CSMD1: variants seen among roughly 807,000 people sequenced by gnomAD.
The protein encoded by CSMD1 is CUB and Sushi multiple domains 1.
CSMD1 carries 213 observed loss-of-function variants against 417.5 expected under a neutral mutation model. That is an observed-to-expected ratio of 0.51 (90% CI 0.46 to 0.57). The LOEUF is 0.57. Ranked by LOEUF, CSMD1 falls within the 20% of genes least tolerant of loss-of-function variation. The pLI, the probability that CSMD1 is intolerant of heterozygous loss-of-function variation, is 0.00. For missense variants in CSMD1, 6,923 were observed against 4,529.7 expected (o/e 1.53, Z -15.17); for synonymous variants, 2,862 against 1,736.8 (o/e 1.65, Z -16.11).
intron 1 of CSMD1, among the ~76,000 whole-genome samples, chr8:4,801,640 C>A (rs1798290255): frequency 6.6e-6 from 1 of 152,160 alleles, no homozygotes; most frequent in African/African-American, 2.4e-5. Flanking sequence ...CTGAAACCAT[C>A]TTTATCTACA....
At chr8:4,566,586 G>T (rs1441526043) in intron 2 of CSMD1, among the ~76,000 whole-genome samples, 1 of 149,710 alleles carries the variant, frequency 6.7e-6, no homozygotes. Flanking sequence ...CCAGGAGGTG[G>T]AGCTTGCAGT....
intron 5 of CSMD1, among the ~76,000 whole-genome samples, chr8:3,834,997 G>C (rs370074150): frequency 1.3e-5 from 2 of 152,124 alleles, no homozygotes; most frequent in East Asian, 1.9e-4. Flanking sequence ...TCAGAGAAAT[G>C]CAAGTCAAAA....
chr8:4,813,295 T>C (rs1799011433), intron 1 of CSMD1, among the ~76,000 whole-genome samples: 1 of 149,618 alleles, frequency 6.7e-6, no homozygotes, highest in Non-Finnish European at 1.5e-5. Flanking sequence ...AACAAATCAC[T>C]CCCCCCACAG....
At chr8:3,219,987 A>C (rs575959024) in intron 28 of CSMD1, among the ~76,000 whole-genome samples, 2 of 152,196 alleles carry the variant, frequency 1.3e-5, no homozygotes, top group Non-Finnish European at 2.9e-5. Context: ...CTGTACAAAA[A>C]TACAAAAGTT....
At chr8:3,197,544 C>CA (rs1312504905) in intron 33 of CSMD1, among the ~76,000 whole-genome samples, 1 of 149,288 alleles carries the variant, frequency 6.7e-6, no homozygotes, top group Non-Finnish European at 1.5e-5. Context: ...CCACTCACTG[C>CA]AAGCTCCGCC....
intron 42 of CSMD1, among the ~76,000 whole-genome samples, chr8:3,117,678 C>A (rs1816951649): frequency 6.6e-6 from 1 of 152,126 alleles, no homozygotes; most frequent in African/African-American, 2.4e-5. Flanking sequence ...AAAAATGAGG[C>A]AGTCACACAG....
At chr8:3,905,916 C>T (rs1264693036) in intron 5 of CSMD1, among the ~76,000 whole-genome samples, 1 of 152,136 alleles carries the variant, frequency 6.6e-6, no homozygotes, top group Non-Finnish European at 1.5e-5. Flanking sequence ...TTGCAATGGG[C>T]CAATTTATAA....
At chr8:4,352,349 G>T (rs531843281) in intron 3 of CSMD1, among the ~76,000 whole-genome samples, 5 of 152,242 alleles carry the variant, frequency 3.3e-5, no homozygotes, top group African/African-American at 1.2e-4. Flanking sequence ...CATTTAGAAT[G>T]TTCTCAGATA....
rs572795436 is a variant in CSMD1, at chr8:4,046,499, T to C, written c.416-14400A>G. Among the ~76,000 whole-genome samples the C allele has an allele frequency of 4.1e-3, 632 of 152,310 alleles. 4 individuals are homozygous for C. Among genetic ancestry groups the C allele is most frequent in the African/African-American group, 0.015 (614 of 41,572 alleles). ...AGAGTCTTTCGGAAAGGATAAAGCA[T>C]GTTTTGTGGTTGCTGTTGCCTTACA... On this transcript the variant is annotated intron_variant, in intron 3 of 69. Coordinates refer to ENST00000635120, the MANE Select transcript of CSMD1 (RefSeq NM_033225.6).
intron 40 of CSMD1, among the ~76,000 whole-genome samples, chr8:3,147,289 C>G (rs539779725): frequency 6.6e-6 from 1 of 152,268 alleles, no homozygotes; most frequent in South Asian, 2.1e-4. Context: ...AATCTTCTAT[C>G]TCTATTTTCA....
At chr8:3,944,458 T>C (rs1811090880) in intron 5 of CSMD1, among the ~76,000 whole-genome samples, 1 of 151,924 alleles carries the variant, frequency 6.6e-6, no homozygotes, top group Non-Finnish European at 1.5e-5. Flanking sequence ...CTAGTTTTGG[T>C]TTTTTTTCCC....
chr8:4,107,837 G>A (rs930871427), intron 3 of CSMD1, among the ~76,000 whole-genome samples: 2 of 152,294 alleles, frequency 1.3e-5, no homozygotes, highest in African/African-American at 4.8e-5. Context: ...CGAAGAGACA[G>A]GCTGCACATT....
intron 5 of CSMD1, among the ~76,000 whole-genome samples, chr8:3,828,032 G>C (rs537758190): frequency 7.2e-5 from 11 of 152,276 alleles, no homozygotes; most frequent in South Asian, 2.1e-4. Flanking sequence ...ATATGGATTT[G>C]TGTGTGATAT....
At chr8:4,450,847 T>C (rs537371676) in intron 2 of CSMD1, among the ~76,000 whole-genome samples, 50 of 152,252 alleles carry the variant, frequency 3.3e-4, no homozygotes, top group African/African-American at 1.2e-3. Context: ...GGGTGGTGGA[T>C]GTGAGAGGAA....
At chr8:3,868,202 C>T (rs753452298) in intron 5 of CSMD1, among the ~76,000 whole-genome samples, 11 of 148,954 alleles carry the variant, frequency 7.4e-5, no homozygotes, top group East Asian at 5.9e-4. Context: ...GGATGTACTG[C>T]GCCTGTAGAA....
intron 52 of CSMD1, among the ~76,000 whole-genome samples, chr8:3,008,924 A>T (rs77505576): frequency 6.6e-6 from 1 of 152,188 alleles, no homozygotes; most frequent in African/African-American, 2.4e-5. Context: ...CTCACATGCA[A>T]GTACAGCAAG....
At chr8:4,765,634 C>G (rs10098840) in intron 1 of CSMD1, among the ~76,000 whole-genome samples, 108,776 of 152,148 alleles carry the variant, frequency 0.71, 39,322 homozygotes, top group East Asian at 0.93. Flanking sequence ...AGGCAGAAAA[C>G]TGCTCACTAA....
rs201365918 is a variant in CSMD1, at chr8:4,228,589, C to CTTTT, written c.415+191360_415+191363dup. The stretch of plus-strand genomic sequence containing the variant: ...TTGGCAATTCTCTTCTCTGTCAGAT[C>CTTTT]TTTTTTTTTTTTTTTTCCTACCCTC... On this transcript the variant is annotated intron_variant, in intron 3 of 69. Transcript: ENST00000635120. Among the ~76,000 whole-genome samples the CTTTT allele has an allele frequency of 2.3e-3, 315 of 138,354 alleles. 7 individuals are homozygous for CTTTT. The highest frequency in any genetic ancestry group is 0.011 in the East Asian group (53 of 4,694). 90.8% of individuals were successfully genotyped at this position (138,354 alleles called of 152,430 possible).
At chr8:3,506,211 G>A (rs1796820256) in intron 10 of CSMD1, among the ~76,000 whole-genome samples, 3 of 152,114 alleles carry the variant, frequency 2.0e-5, no homozygotes, top group African/African-American at 7.2e-5. Context: ...GAGCTGTCAG[G>A]GAGACGGCCC....
Sources: gnomAD v4.1 joint callset for allele counts (sites outside exome capture counted in the v4.1 genomes callset) on GRCh38, gnomAD v4.1.1 for gene constraint, MANE v1.5 for transcripts, NCBI Gene and HGNC (gene_info 2026-07-23, HGNC 2026-07-21) for gene names.